PPM1E: variants seen among roughly 807,000 people sequenced by gnomAD.
PPM1E encodes protein phosphatase 1E.
In PPM1E, 20 loss-of-function variants were observed where a neutral mutation model predicts 65.9. The ratio of observed to expected loss-of-function variants is 0.30; its 90% CI spans 0.21 to 0.44. The LOEUF is 0.44. PPM1E is among the 20% of genes least tolerant of loss of function. PPM1E has a pLI of 1.00. For synonymous variants in PPM1E, 352 were observed against 374.9 expected (o/e 0.94, Z 0.70); for missense variants, 713 against 953.1 (o/e 0.75, Z 3.32).
At chr17:58,864,664 G>T (rs990506929) in intron 1 of PPM1E, among the ~76,000 whole-genome samples, 1 of 151,422 alleles carries the variant, frequency 6.6e-6, no homozygotes, top group Non-Finnish European at 1.5e-5. Context: ...ATGGCTGGGC[G>T]CAGTGGCTCA....
In PPM1E at chr17:58,980,843, C is replaced by G. The variant is rs2031314516; in HGVS notation, c.2080C>G (p.Gln694Glu). The G allele has an allele frequency of 3.1e-6, 5 of 1,614,002 alleles. No individual in the cohort carries two copies. In the African/African-American group the frequency reaches 5.3e-5, roughly 17 times the overall value. ...AAAGTTTTATTCATTTCTCTCTGCT[C>G]AAGAGCCTTCCCACAAAATAGGCAC... ...NPKFYSFLSA[Q>E]EPSHKIGTSL... Residue 694 changes from glutamine (Q) to glutamate (E), a missense_variant, in exon 7 of 7, where the codon CAA becomes GAA. Gln to Glu is a conservative substitution (Grantham distance 29, BLOSUM62 2). Around this residue, in one of 6 missense-constraint regions of PPM1E, gnomAD observed 286 missense variants for 313.8 expected, o/e 0.91. Coordinates refer to ENST00000308249, the MANE Select transcript of PPM1E (RefSeq NM_014906.5). This position sits in a 1 kb window ranked among gnomAD's most constrained non-coding sequence, Gnocchi z 4.7.
At position 58,980,800 on chromosome 17, in the gene PPM1E, C is replaced by T. The variant is rs1489552426; in HGVS notation, c.2037C>T (p.His679=). 6.2e-7 allele frequency: 1 copy of T among 1,614,044 alleles called. No homozygotes were observed. The highest frequency in any genetic ancestry group is 1.7e-5 in the Admixed American group (1 of 59,990). Residue 679 remains histidine, a synonymous_variant, in exon 7 of 7, where the codon CAC becomes CAT. Coordinates refer to ENST00000308249, the MANE Select transcript of PPM1E (RefSeq NM_014906.5). This position sits in a 1 kb window ranked among gnomAD's most constrained non-coding sequence, Gnocchi z 4.7. Reference sequence around the variant, plus strand: ...GCCACCACTACTCAAAGAAGTGGCACAGATTCAGGTTTAATCCAAAGTTTT... The same window carrying T: ...GCCACCACTACTCAAAGAAGTGGCATAGATTCAGGTTTAATCCAAAGTTTT... The part of the protein sequence containing the change: ...HLRHHYSKKW[H]RFRFNPKFYS...
chr17:58,884,809 T>C (rs2051246853), intron 1 of PPM1E, among the ~76,000 whole-genome samples: 1 of 152,168 alleles, frequency 6.6e-6, no homozygotes, highest in African/African-American at 2.4e-5. Flanking sequence ...TAATTAAAAT[T>C]AACTTATGTA....
chr17:58,804,369 A>G (rs2050285729), intron 1 of PPM1E, among the ~76,000 whole-genome samples: 1 of 152,238 alleles, frequency 6.6e-6, no homozygotes, highest in African/African-American at 2.4e-5. Context: ...TTATACTCAT[A>G]AAAGTAATAC....
intron 1 of PPM1E, among the ~76,000 whole-genome samples, chr17:58,801,698 C>G (rs746440231): frequency 4.0e-5 from 6 of 151,874 alleles, no homozygotes; most frequent in Non-Finnish European, 5.9e-5. Flanking sequence ...GCCTCAACCT[C>G]CCAAAGTGTT....
At chr17:58,816,775 TATATATATATATATATATA>T (rs1362201922) in intron 1 of PPM1E, among the ~76,000 whole-genome samples, 2,114 of 17,358 alleles carry the variant, frequency 0.12, 36 homozygotes, top group African/African-American at 0.14. Flanking sequence ...TATATATATA[TATATATATATATATATATA>T]TTTTTTTTTT....
At chr17:58,846,133 A>G (rs1324374163) in intron 1 of PPM1E, among the ~76,000 whole-genome samples, 1 of 152,182 alleles carries the variant, frequency 6.6e-6, no homozygotes, top group Non-Finnish European at 1.5e-5. Context: ...TTATGATTAT[A>G]AATGTATAAG....
At chr17:58,795,444 T>C (rs1359061961) in intron 1 of PPM1E, among the ~76,000 whole-genome samples, 3 of 152,206 alleles carry the variant, frequency 2.0e-5, no homozygotes, top group Non-Finnish European at 4.4e-5. Context: ...GGCTCATGTC[T>C]GTAATCTCAG....
chr17:58,945,610 C>T (rs116546051), intron 1 of PPM1E, among the ~76,000 whole-genome samples: 2,930 of 152,304 alleles, frequency 0.019, 90 homozygotes, highest in African/African-American at 0.067. Context: ...CAAGATGCCC[C>T]ACCTCAGATG....
intron 6 of PPM1E, among the ~76,000 whole-genome samples, chr17:58,975,844 ACATT>A (rs966880379): frequency 9.9e-5 from 15 of 152,272 alleles, no homozygotes; most frequent in Admixed American, 9.8e-4. Flanking sequence ...TGGCTGGGAG[ACATT>A]CATACAGTTT....
intron 1 of PPM1E, among the ~76,000 whole-genome samples, chr17:58,809,574 G>GGT: frequency 6.6e-6 from 1 of 151,952 alleles, no homozygotes; most frequent in Non-Finnish European, 1.5e-5. Flanking sequence ...TTTTTGCCCA[G>GGT]GGTCTTACTA....
chr17:58,852,468 G>A (rs1261489137), intron 1 of PPM1E, among the ~76,000 whole-genome samples: 1 of 151,468 alleles, frequency 6.6e-6, no homozygotes, highest in East Asian at 1.9e-4. Flanking sequence ...GTTGTTTTCT[G>A]TTTTTCTGAT....
At chr17:58,818,873 GTGC>G in intron 1 of PPM1E, among the ~76,000 whole-genome samples, 1 of 152,144 alleles carries the variant, frequency 6.6e-6, no homozygotes, top group East Asian at 1.9e-4. Context: ...GCAGTGGCAC[GTGC>G]TGGTAGCTGC....
intron 1 of PPM1E, among the ~76,000 whole-genome samples, chr17:58,902,598 C>T (rs913809622): frequency 6.6e-6 from 1 of 152,138 alleles, no homozygotes; most frequent in Non-Finnish European, 1.5e-5. Flanking sequence ...TCTCCTGACT[C>T]CTTTAATGTT....
intron 1 of PPM1E, among the ~76,000 whole-genome samples, chr17:58,937,537 C>T (rs1398367175): frequency 2.1e-5 from 3 of 146,102 alleles, no homozygotes; most frequent in African/African-American, 7.4e-5. Context: ...GCTGGGATTA[C>T]AGTCGTGAGC....
intron 1 of PPM1E, among the ~76,000 whole-genome samples, chr17:58,920,207 C>G (rs1008963618): frequency 1.3e-5 from 2 of 152,110 alleles, no homozygotes; most frequent in Non-Finnish European, 2.9e-5. Flanking sequence ...AACTTACTGT[C>G]CTTCCTTCCA....
chr17:58,855,303 G>A (rs1332639437), intron 1 of PPM1E, among the ~76,000 whole-genome samples: 1 of 152,146 alleles, frequency 6.6e-6, no homozygotes, highest in Non-Finnish European at 1.5e-5. Context: ...GGGATAAGCT[G>A]CATACCCACC....
intron 1 of PPM1E, among the ~76,000 whole-genome samples, chr17:58,879,101 T>G (rs990877448): frequency 1.3e-5 from 2 of 152,004 alleles, no homozygotes; most frequent in Non-Finnish European, 2.9e-5. Context: ...CATTTTAGTC[T>G]TTAGACTACT....
At chr17:58,909,258 C>A (rs1013299478) in intron 1 of PPM1E, among the ~76,000 whole-genome samples, 1 of 152,076 alleles carries the variant, frequency 6.6e-6, no homozygotes, top group African/African-American at 2.4e-5. Flanking sequence ...CCGCTCACCA[C>A]CCCGCCAACC....
Sources: allele counts gnomAD v4.1 joint callset (sites outside exome capture counted in the v4.1 genomes callset), GRCh38; gene constraint gnomAD v4.1.1; regional missense constraint gnomAD v4.1.1; non-coding constraint Gnocchi (gnomAD v3.1); transcripts MANE v1.5; gene names NCBI Gene and HGNC (gene_info 2026-07-23, HGNC 2026-07-21).